CNIH3: variants seen among roughly 807,000 people sequenced by gnomAD.
CNIH3 encodes protein cornichon homolog 3.
CNIH3 carries 14 observed loss-of-function variants against 24.1 expected under a neutral mutation model. The observed-to-expected ratio is 0.58, with a 90% confidence interval of 0.38 to 0.91. The LOEUF (loss-of-function observed/expected upper bound fraction) is 0.91, where lower values mean the gene tolerates loss of function less well. CNIH3 is among the 40% of genes least tolerant of loss of function. CNIH3 has a pLI of 0.00. For missense variants in CNIH3, 178 were observed against 196.8 expected, an observed-to-expected ratio of 0.90 and a Z score of 0.57; for synonymous variants, 68 against 73.8, an observed-to-expected ratio of 0.92 and a Z score of 0.40.
chr1:224,543,317 T>A (rs1182129576), intron 2 of CNIH3, among the ~76,000 whole-genome samples: 2 of 152,232 alleles, frequency 1.3e-5, no homozygotes, highest in Non-Finnish European at 2.9e-5. Context: ...TGTGTCTGTT[T>A]GTTTGCCTGC....
downstream of CNIH3, among the ~76,000 whole-genome samples, chr1:224,591,725 G>C (rs1368489162): frequency 6.6e-6 from 1 of 152,144 alleles, no homozygotes; most frequent in Non-Finnish European, 1.5e-5. Flanking sequence ...CTCCACCTCT[G>C]GGGTACAGGG....
At chr1:224,668,028 A>G (rs1685679839) in intron 1 of CNIH3, among the ~76,000 whole-genome samples, 1 of 152,240 alleles carries the variant, frequency 6.6e-6, no homozygotes, top group African/African-American at 2.4e-5. Flanking sequence ...CAGAATACAC[A>G]TTTTGTAAGA....
intron 1 of CNIH3, among the ~76,000 whole-genome samples, chr1:224,468,357 A>G (rs1187551478): frequency 6.6e-6 from 1 of 152,142 alleles, no homozygotes; most frequent in African/African-American, 2.4e-5. Context: ...TCTTTCATCA[A>G]CATTTTGTAA....
intron 1 of CNIH3, among the ~76,000 whole-genome samples, chr1:224,476,666 T>A (rs958990004): frequency 6.6e-6 from 1 of 152,084 alleles, no homozygotes; most frequent in African/African-American, 2.4e-5. Context: ...CACCAAAAAC[T>A]GGTAAGATAG....
chr1:224,650,150 T>A (rs1684796752), intron 1 of CNIH3, among the ~76,000 whole-genome samples: 1 of 152,156 alleles, frequency 6.6e-6, no homozygotes, highest in South Asian at 2.1e-4. Flanking sequence ...TGACTAATTC[T>A]CTTAACTAGT....
intron 1 of CNIH3, among the ~76,000 whole-genome samples, chr1:224,677,322 T>A (rs137953279): frequency 4.9e-4 from 75 of 152,106 alleles, no homozygotes; most frequent in African/African-American, 1.8e-3. Flanking sequence ...TACATGGGGG[T>A]CTTCCCCTCT....
chr1:224,516,292 G>A (rs986768957), intron 1 of CNIH3, among the ~76,000 whole-genome samples: 13 of 122,428 alleles, frequency 1.1e-4, no homozygotes, highest in Non-Finnish European at 1.3e-4. Flanking sequence ...CCCGCCTGGC[G>A]ACAAACCGAG....
chr1:224,496,961 G>A (rs561593971), intron 1 of CNIH3, among the ~76,000 whole-genome samples: 68 of 152,278 alleles, frequency 4.5e-4, no homozygotes, highest in African/African-American at 1.5e-3. Flanking sequence ...AGCTGAAAGG[G>A]GGAAGCAACT....
intron 3 of CNIH3, among the ~76,000 whole-genome samples, chr1:224,562,988 CTGTT>C (rs1391007572): frequency 2.0e-5 from 3 of 152,176 alleles, no homozygotes; most frequent in African/African-American, 4.8e-5. Context: ...CTTTGGGAAA[CTGTT>C]TGCAAAATCT....
At chr1:224,508,757 G>A (rs1241773138) in intron 1 of CNIH3, among the ~76,000 whole-genome samples, 1 of 152,036 alleles carries the variant, frequency 6.6e-6, no homozygotes, top group Non-Finnish European at 1.5e-5. Flanking sequence ...AATCATATAT[G>A]GTTTGTCATA....
chr1:224,450,592 C>T (rs1192717147), intron 1 of CNIH3, among the ~76,000 whole-genome samples: 1 of 152,146 alleles, frequency 6.6e-6, no homozygotes, highest in Non-Finnish European at 1.5e-5. Flanking sequence ...TAAAAGGACA[C>T]AATGAAGAAA....
intron 3 of CNIH3, among the ~76,000 whole-genome samples, chr1:224,721,334 A>G (rs1046324271): frequency 6.6e-6 from 1 of 151,904 alleles, no homozygotes; most frequent in Non-Finnish European, 1.5e-5. Context: ...CTCTCAAACC[A>G]TCTGAGTCTT....
chr1:224,723,736 A>G (rs1688868129), intron 3 of CNIH3, among the ~76,000 whole-genome samples: 1 of 152,212 alleles, frequency 6.6e-6, no homozygotes, highest in Non-Finnish European at 1.5e-5. Context: ...TTTCCCTTGA[A>G]TAGTGGCCCA....
rs1683940189 is a variant in CNIH3, at chr1:224,633,667, G to T, written c.81+16412G>T. The stretch of plus-strand genomic sequence containing the variant: ...GCTGCCCGTTGGCTGTACACAGTGG[G>T]AACTAGAAGTATGGCAGGGTCTCCA... On this transcript the variant is annotated intron_variant, in intron 1 of 5. Transcript: ENST00000272133. Among the ~76,000 whole-genome samples the T allele has an allele frequency of 2.6e-5, 4 of 152,156 alleles. No homozygotes were observed. In the South Asian group the frequency reaches 8.3e-4, roughly 32 times the overall value.
chr1:224,434,975 C>T, intron 1 of CNIH3: 1 of 985,610 alleles, frequency 1.0e-6, no homozygotes, highest in Non-Finnish European at 1.2e-6. Context: ...CATCCACGAC[C>T]CCGACTCCTA....
chr1:224,438,581 A>C (rs928495552), intron 1 of CNIH3, among the ~76,000 whole-genome samples: 1 of 152,212 alleles, frequency 6.6e-6, no homozygotes, highest in Non-Finnish European at 1.5e-5. Flanking sequence ...AGGTGTTTTC[A>C]GATCTCAGGT....
At chr1:224,514,604 G>A (rs1678302229), upstream of CNIH3, among the ~76,000 whole-genome samples, 1 of 152,196 alleles carries the variant, frequency 6.6e-6, no homozygotes, top group Non-Finnish European at 1.5e-5. Flanking sequence ...GCTGAGGTGG[G>A]CGGATCACTT....
At chr1:224,652,444 G>T (rs1684902213) in intron 1 of CNIH3, among the ~76,000 whole-genome samples, 1 of 152,176 alleles carries the variant, frequency 6.6e-6, no homozygotes, top group South Asian at 2.1e-4. Flanking sequence ...TTGGTTGGCA[G>T]AAGTGTCCGT....
intron 1 of CNIH3, among the ~76,000 whole-genome samples, chr1:224,500,980 C>T (rs1190420993): frequency 2.0e-5 from 3 of 152,240 alleles, no homozygotes; most frequent in Admixed American, 1.3e-4. Flanking sequence ...CCCCTTCTGC[C>T]ACTTCCTGGA....
Sources: gnomAD v4.1 joint callset for allele counts (sites outside exome capture counted in the v4.1 genomes callset) on GRCh38, gnomAD v4.1.1 for gene constraint, MANE v1.5 for transcripts, NCBI Gene and HGNC (gene_info 2026-07-23, HGNC 2026-07-21) for gene names.